The following ZNF704 variants were observed in gnomAD, a reference collection of about 807,000 sequenced individuals.
ZNF704 encodes glucocorticoid induced gene 1.
In ZNF704, 10 loss-of-function variants were observed where a neutral mutation model predicts 44.7. The observed-to-expected ratio is 0.22, with a 90% CI of 0.14 to 0.38. The LOEUF (loss-of-function observed/expected upper bound fraction) is 0.38. Ranked by LOEUF, ZNF704 falls within the 10% of genes least tolerant of loss-of-function variation. ZNF704 has a pLI of 1.00. For missense variants in ZNF704, 390 were observed against 545.5 expected, an observed-to-expected ratio of 0.71 and a Z score of 2.84; for synonymous variants, 211 against 207.6, an observed-to-expected ratio of 1.02 and a Z score of -0.14.
chr8:80,745,504 T>C (rs906063786), intron 2 of ZNF704, among the ~76,000 whole-genome samples: 2 of 152,178 alleles, frequency 1.3e-5, no homozygotes, highest in Admixed American at 6.5e-5. Flanking sequence ...AATACCATTA[T>C]GTATGGATAA....
intron 2 of ZNF704, among the ~76,000 whole-genome samples, chr8:80,734,069 A>G (rs996984855): frequency 6.6e-6 from 1 of 152,228 alleles, no homozygotes; most frequent in African/African-American, 2.4e-5. Flanking sequence ...AAAACTGCCA[A>G]TCTACTCATT....
chr8:80,864,595 G>A (rs972341614), intron 1 of ZNF704, among the ~76,000 whole-genome samples: 4 of 152,080 alleles, frequency 2.6e-5, no homozygotes, highest in East Asian at 1.9e-4. Flanking sequence ...CCTTTTCTCC[G>A]TGTCTAGACA....
intron 2 of ZNF704, among the ~76,000 whole-genome samples, chr8:80,751,986 C>T (rs540241686): frequency 3.9e-5 from 6 of 152,132 alleles, no homozygotes; most frequent in South Asian, 4.2e-4. Flanking sequence ...TCAGGTGATC[C>T]GCCCACCTCC....
At chr8:80,870,676 C>T (rs1331114947) in intron 1 of ZNF704, among the ~76,000 whole-genome samples, 1 of 152,284 alleles carries the variant, frequency 6.6e-6, no homozygotes, top group South Asian at 2.1e-4. Flanking sequence ...TCCATTTACA[C>T]CCAAACTTAA....
At chr8:80,809,028 A>C (rs1355280167) in intron 2 of ZNF704, among the ~76,000 whole-genome samples, 2 of 152,212 alleles carry the variant, frequency 1.3e-5, no homozygotes, top group Non-Finnish European at 2.9e-5. Context: ...GCGGTGCCTG[A>C]CATCTGTAAT....
intron 2 of ZNF704, among the ~76,000 whole-genome samples, chr8:80,772,479 A>G (rs1410681864): frequency 6.6e-6 from 1 of 152,166 alleles, no homozygotes; most frequent in African/African-American, 2.4e-5. Flanking sequence ...AAGGGGAAGC[A>G]GGCACATCTT....
chr8:80,659,934 G>A (rs1437148251), intron 6 of ZNF704, among the ~76,000 whole-genome samples: 1 of 152,128 alleles, frequency 6.6e-6, no homozygotes, highest in Non-Finnish European at 1.5e-5. Context: ...TTTCTGAAAA[G>A]AAATTTTATT....
At chr8:80,740,605 T>C (rs1326679607) in intron 2 of ZNF704, among the ~76,000 whole-genome samples, 3 of 152,204 alleles carry the variant, frequency 2.0e-5, no homozygotes, top group Non-Finnish European at 4.4e-5. Context: ...TATCCCTCTA[T>C]ACCCAGCTGT....
intron 2 of ZNF704, among the ~76,000 whole-genome samples, chr8:80,769,787 C>T (rs1807288160): frequency 6.6e-6 from 1 of 152,182 alleles, no homozygotes; most frequent in Non-Finnish European, 1.5e-5. Flanking sequence ...TGCCTGTTAC[C>T]CGGGTCCAAA....
intron 2 of ZNF704, among the ~76,000 whole-genome samples, chr8:80,735,811 C>A (rs990267187): frequency 6.6e-6 from 1 of 152,138 alleles, no homozygotes; most frequent in Non-Finnish European, 1.5e-5. Flanking sequence ...AATATGCAGA[C>A]CTTCTATTTA....
rs1019430909 is a variant in ZNF704, at chr8:80,638,676, T to G, written c.*2690A>C. On this transcript the variant is annotated 3_prime_UTR_variant, in exon 9 of 9. Transcript: ENST00000327835. ...GTGGCCTGTAAGGAGTATAATCCCT[T>G]TTCTTCAAGACCAGCCACCTGTGGC... is the stretch of plus-strand genomic sequence containing the variant. The G allele has an allele frequency of 6.6e-6, 1 of 152,280 alleles. No homozygotes were observed. The highest frequency in any genetic ancestry group is 6.5e-5 in the Admixed American group (1 of 15,274). 9.4% of individuals were successfully genotyped at this position (152,280 alleles called of 1,614,324 possible).
intron 4 of ZNF704, among the ~76,000 whole-genome samples, chr8:80,674,691 C>T (rs1398538942): frequency 6.6e-6 from 1 of 152,160 alleles, no homozygotes; most frequent in East Asian, 1.9e-4. Context: ...CCCACTAGGC[C>T]CCACCTCCCA....
In ZNF704 at chr8:80,629,565, G is replaced by C. The variant is rs577746074; in HGVS notation, c.*11801C>G. The C allele has an allele frequency of 6.6e-6, 1 of 152,276 alleles. No individual in the cohort carries two copies. Among genetic ancestry groups the C allele is most frequent in the South Asian group, 2.1e-4 (1 of 4,818 alleles). 9.4% of individuals were successfully genotyped at this position (152,276 alleles called of 1,614,324 possible). A position where few individuals can be genotyped will look rare whatever the true frequency, so the allele number is the denominator to read the frequency against. ...GTAATGTAGTAAAGCACTGATTAAA[G>C]AGCGAAGACAAATTATTAGGGGAAA... On this transcript the variant is annotated 3_prime_UTR_variant, in exon 9 of 9. Transcript: ENST00000327835.
intron 1 of ZNF704, among the ~76,000 whole-genome samples, chr8:80,828,933 T>A (rs766907476): frequency 6.6e-6 from 1 of 152,198 alleles, no homozygotes; most frequent in Non-Finnish European, 1.5e-5. Flanking sequence ...CAGAGCTCCA[T>A]TCTCATCTTG....
At chr8:80,751,204 A>C (rs1346629062) in intron 2 of ZNF704, among the ~76,000 whole-genome samples, 1 of 152,182 alleles carries the variant, frequency 6.6e-6, no homozygotes. Context: ...CACACTGGAA[A>C]GACTTCTCAC....
At chr8:80,835,711 T>C (rs80334196) in intron 1 of ZNF704, among the ~76,000 whole-genome samples, 3,265 of 152,334 alleles carry the variant, frequency 0.021, 114 homozygotes, top group African/African-American at 0.074. Context: ...CCGTTTGGCA[T>C]AGTGACTCTT....
chr8:80,866,018 A>G (rs891684500), intron 1 of ZNF704, among the ~76,000 whole-genome samples: 3 of 152,214 alleles, frequency 2.0e-5, no homozygotes, highest in Admixed American at 2.0e-4. Flanking sequence ...TCAGACTTAT[A>G]TTCTGTTCCA....
chr8:80,773,496 C>T (rs762931833), intron 2 of ZNF704, among the ~76,000 whole-genome samples: 71 of 152,262 alleles, frequency 4.7e-4, no homozygotes, highest in Non-Finnish European at 6.5e-4. Flanking sequence ...AACCATCAAA[C>T]ATAATTTAGT....
chr8:80,756,766 T>C (rs1277915265), intron 2 of ZNF704, among the ~76,000 whole-genome samples: 1 of 152,212 alleles, frequency 6.6e-6, no homozygotes, highest in African/African-American at 2.4e-5. Context: ...TTAAACAGTG[T>C]TCATGCATTC....
Sources: allele counts gnomAD v4.1 joint callset (sites outside exome capture counted in the v4.1 genomes callset), GRCh38; gene constraint gnomAD v4.1.1; transcripts MANE v1.5; gene names NCBI Gene and HGNC (gene_info 2026-07-23, HGNC 2026-07-21).